ADARB1: variants seen among roughly 807,000 people sequenced by gnomAD.
ADARB1 encodes the protein adenosine deaminase RNA specific B1.
ADARB1 carries 10 observed loss-of-function variants against 52.4 expected under a neutral mutation model. The observed-to-expected ratio is 0.19, with a 90% CI of 0.12 to 0.32. The LOEUF is 0.32. ADARB1 is among the 10% of genes least tolerant of loss of function. ADARB1 has a pLI of 1.00. For missense variants in ADARB1, 643 were observed against 922.3 expected (o/e 0.70, Z 3.92); for synonymous variants, 349 against 371.1 (o/e 0.94, Z 0.68).
intron 1 of ADARB1, among the ~76,000 whole-genome samples, chr21:45,099,184 A>AT (rs1454521342): frequency 1.3e-5 from 2 of 152,128 alleles, no homozygotes; most frequent in Non-Finnish European, 2.9e-5. Flanking sequence ...AGGGTTGTTG[A>AT]TTCCACATTT....
At chr21:45,100,602 A>G (rs2086958384) in intron 1 of ADARB1, 1 of 152,236 alleles carries the variant, frequency 6.6e-6, no homozygotes, top group African/African-American at 2.4e-5. Context: ...ACTCAGTAGG[A>G]TGTGGCATCT....
At position 45,172,344 on chromosome 21, in the gene ADARB1, T is replaced by C. The variant is rs1465273058; in HGVS notation, c.28+660T>C. Among the ~76,000 whole-genome samples the C allele has an allele frequency of 2.6e-5, 4 of 152,116 alleles. No homozygotes were observed. Among genetic ancestry groups the C allele is most frequent in the Non-Finnish European group, 5.9e-5 (4 of 68,016 alleles). ...TTCCACGGAAGTTGGGAGAGTTTAG[T>C]AGAGAAATTACAACAAAGGCATCAT... On this transcript the variant is annotated intron_variant, in intron 3 of 10. Coordinates refer to ENST00000348831, the MANE Select transcript of ADARB1 (RefSeq NM_001112.4). The surrounding 1 kb of genome is among the most constrained non-coding windows in gnomAD (Gnocchi z 4.4).
At chr21:45,143,935 C>T (rs922406609) in intron 2 of ADARB1, among the ~76,000 whole-genome samples, 1 of 152,206 alleles carries the variant, frequency 6.6e-6, no homozygotes, top group Non-Finnish European at 1.5e-5. Context: ...CCCCCATTGT[C>T]CCCATTGTCA....
intron 8 of ADARB1, among the ~76,000 whole-genome samples, chr21:45,191,663 A>G (rs2092284544): frequency 1.3e-5 from 2 of 151,868 alleles, no homozygotes; most frequent in Non-Finnish European, 2.9e-5. Context: ...CTAATATTTT[A>G]CTTAGGATTT....
At chr21:45,121,186 G>C (rs2088159850) in intron 1 of ADARB1, among the ~76,000 whole-genome samples, 1 of 152,018 alleles carries the variant, frequency 6.6e-6, no homozygotes, top group South Asian at 2.1e-4. Flanking sequence ...TGTAAGCTTT[G>C]TGCTTTTCCT....
chr21:45,163,530 TC>T (rs779938738), intron 2 of ADARB1, among the ~76,000 whole-genome samples: 2 of 151,564 alleles, frequency 1.3e-5, no homozygotes, highest in African/African-American at 4.9e-5. Context: ...GCCAGGAATC[TC>T]CCCCCCACCT....
In ADARB1 at chr21:45,222,479, T is replaced by C; in HGVS notation, c.*282T>C. ...AACCGTCCAGTGACTGCTTTCAATC[T>C]CGGTTTACGTTTAGAAATTGAGTTC... On this transcript the variant is annotated 3_prime_UTR_variant, in exon 11 of 11. Transcript: ENST00000348831. 1 of 1,201,562 alleles carries C rather than the reference T, an allele frequency of 8.3e-7. No individual in the cohort carries two copies. The highest frequency in any genetic ancestry group is 1.0e-6 in the Non-Finnish European group (1 of 968,054). The allele number at this position is 1,201,562 out of a possible 1,614,324, so 74.4% of individuals were successfully genotyped here.
intron 2 of ADARB1, among the ~76,000 whole-genome samples, chr21:45,131,233 AGTGCAGGCAGAT>A (rs2088913174): frequency 6.6e-6 from 1 of 152,220 alleles, no homozygotes; most frequent in South Asian, 2.1e-4. Context: ...TGGGCCTGTC[AGTGCAGGCAGAT>A]GTGGGGTAGG....
intron 9 of ADARB1, among the ~76,000 whole-genome samples, chr21:45,219,129 A>T (rs553053843): frequency 1.2e-4 from 18 of 152,342 alleles, no homozygotes; most frequent in African/African-American, 4.3e-4. Context: ...GTTAAAAGAT[A>T]AAAAAATGTT....
intron 2 of ADARB1, among the ~76,000 whole-genome samples, chr21:45,138,922 C>CT (rs5844226): frequency 0.36 from 51,498 of 141,418 alleles, 10,111 homozygotes; most frequent in East Asian, 0.54. Context: ...TTGTTGTCTT[C>CT]TTTTTTTTTT....
chr21:45,128,461 C>T lies in ADARB1; in HGVS notation c.-160C>T, dbSNP rs1314362493. The T allele has an allele frequency of 1.3e-5, 2 of 152,188 alleles. No homozygotes were observed. The highest frequency in any genetic ancestry group is 2.9e-5 in the Non-Finnish European group (2 of 68,022). The allele number at this position is 152,188 out of a possible 1,614,324, so 9.4% of individuals were successfully genotyped here. ...GGGGCAACTGAAGGAGACACACTGG[C>T]CAAGCGCGGAGTTCTGCTTACTTCA... On this transcript the variant is annotated 5_prime_UTR_variant, in exon 2 of 11. Coordinates refer to ENST00000348831, the MANE Select transcript of ADARB1 (RefSeq NM_001112.4). This position sits in a 1 kb window ranked among gnomAD's most constrained non-coding sequence, Gnocchi z 4.6.
At chr21:45,182,100 A>G (rs1454072478) in intron 5 of ADARB1, among the ~76,000 whole-genome samples, 1 of 152,260 alleles carries the variant, frequency 6.6e-6, no homozygotes, top group Non-Finnish European at 1.5e-5. Context: ...TAATGGTGAC[A>G]GTTTACTAAT....
At chr21:45,180,140 G>T (rs896269888) in intron 4 of ADARB1, among the ~76,000 whole-genome samples, 190 bp from the exon 5 acceptor site, 9 of 152,246 alleles carry the variant, frequency 5.9e-5, no homozygotes, top group Admixed American at 3.3e-4. Flanking sequence ...GGATCCTGGG[G>T]TGTCTATTTC....
intron 2 of ADARB1, among the ~76,000 whole-genome samples, chr21:45,130,927 G>A (rs1413873901): frequency 6.6e-6 from 1 of 152,190 alleles, no homozygotes; most frequent in East Asian, 1.9e-4. Context: ...TTGCTGAGGA[G>A]GGCTTCGGGA....
In ADARB1 at chr21:45,120,418, C is replaced by T. The variant is rs539736593; in HGVS notation, c.-219-7984C>T. 3.3e-5 allele frequency among the ~76,000 whole-genome samples: 5 copies of T among 152,332 alleles called. No individual in the cohort carries two copies. In the East Asian group the frequency reaches 5.8e-4, roughly 18 times the overall value. ...TCTCATTGTCTTCCTGAAGCCCATTCGTGAACTGTCGATTGAATGCCTGCT... is the reference window on the plus strand; with the variant it reads ...TCTCATTGTCTTCCTGAAGCCCATTTGTGAACTGTCGATTGAATGCCTGCT... On this transcript the variant is annotated intron_variant, in intron 1 of 10. Transcript: ENST00000348831.
chr21:45,184,796 G>A (rs1400261923), intron 7 of ADARB1, 127 bp from the exon 8 acceptor site: 5 of 1,074,112 alleles, frequency 4.7e-6, no homozygotes, highest in Non-Finnish European at 6.8e-6. Flanking sequence ...TGTATGTATG[G>A]CATAAACATA....
At chr21:45,079,745 A>C (rs949030681) in intron 1 of ADARB1, among the ~76,000 whole-genome samples, 6 of 152,346 alleles carry the variant, frequency 3.9e-5, no homozygotes, top group African/African-American at 1.4e-4. Context: ...TACTTTGCTT[A>C]TTATTTTTAT....
At chr21:45,084,918 G>A (rs930434448) in intron 1 of ADARB1, among the ~76,000 whole-genome samples, 1 of 152,190 alleles carries the variant, frequency 6.6e-6, no homozygotes, top group African/African-American at 2.4e-5. Context: ...AGAATGTAAA[G>A]TGGCTTCTCG....
At chr21:45,109,695 C>G (rs1008555746) in intron 1 of ADARB1, among the ~76,000 whole-genome samples, 2 of 152,230 alleles carry the variant, frequency 1.3e-5, no homozygotes, top group Non-Finnish European at 2.9e-5. Context: ...ATTTTATAAC[C>G]TAGCAATGCA....
Sources: gnomAD v4.1 joint callset for allele counts (sites outside exome capture counted in the v4.1 genomes callset) on GRCh38, gnomAD v4.1.1 for gene constraint, Gnocchi (gnomAD v3.1) non-coding constraint, MANE v1.5 for transcripts, NCBI Gene and HGNC (gene_info 2026-07-23, HGNC 2026-07-21) for gene names.